CDX1: variants seen among roughly 807,000 people sequenced by gnomAD.
CDX1 encodes the protein caudal type homeobox 1, also known as homeobox protein CDX-1.
Under a neutral mutation model 16.9 loss-of-function variants are expected in CDX1, and 9 were observed. The observed-to-expected ratio is 0.53, with a 90% CI of 0.32 to 0.93. The LOEUF (loss-of-function observed/expected upper bound fraction) is 0.93. Ranked by LOEUF, CDX1 falls within the 40% of genes least tolerant of loss-of-function variation. The pLI is 0.04. For synonymous variants in CDX1, 179 were observed against 179.0 expected, an observed-to-expected ratio of 1.00 and a Z score of 0.00; for missense variants, 393 against 386.1, an observed-to-expected ratio of 1.02 and a Z score of -0.15.
rs1277949259 is a variant in CDX1 at position 150,167,063 on chromosome 5, G to C, written c.187G>C (p.Ala63Pro). 4.2e-6 allele frequency: 6 copies of C among 1,423,652 alleles called. No homozygotes were observed. Among genetic ancestry groups the C allele is most frequent in the African/African-American group, 1.5e-5 (1 of 66,648 alleles). 88.2% of individuals were successfully genotyped at this position (1,423,652 alleles called of 1,614,324 possible). The change falls in exon 1 of 3, where the codon GCG (alanine) becomes CCG (proline). Residue 63 changes from alanine (A) to proline (P), a missense_variant. By Grantham distance (27) the Ala-to-Pro change is conservative. Coordinates refer to ENST00000231656, the MANE Select transcript of CDX1 (RefSeq NM_001804.3). ...CCCCGCGCCCCCGACGGCCTGGGGG[G>C]CGCCCTTCCCTGCGCCCAAGGACGA... ...PAPAPPTAWG[A>P]PFPAPKDDWA...
In CDX1 at chr5:150,170,727, T is replaced by A. The variant is rs140428243; in HGVS notation, c.445+3406T>A. On this transcript the variant is annotated intron_variant, in intron 1 of 2. Coordinates refer to ENST00000231656, the MANE Select transcript of CDX1 (RefSeq NM_001804.3). ...TCAGTTTCTTCTAAGGAGGGGGCAG[T>A]GACAATGGGAAAGATGAGAGAGAGG... is the stretch of plus-strand genomic sequence containing the variant. Among the ~76,000 whole-genome samples the A allele has an allele frequency of 7.6e-3, 1,153 of 152,148 alleles. 12 individuals carry two copies. The highest frequency in any genetic ancestry group is 0.026 in the African/African-American group (1,087 of 41,496).
chr5:150,182,773 A>G lies in CDX1; in HGVS notation c.451A>G (p.Thr151Ala). The G allele has an allele frequency of 6.3e-7, 1 of 1,580,162 alleles. No homozygotes were observed. The highest frequency in any genetic ancestry group is 2.4e-5 in the East Asian group (1 of 42,344). ...AAGGGGGSGK[T>A]RTKDKYRVVY... is the part of the protein sequence containing the mutation. ...CGGCTCCTTCTGCTTCTCAGGTAAG[A>G]CTCGGACCAAGGACAAGTACCGCGT... The change falls in exon 2 of 3, where the codon ACT becomes GCT. Residue 151 changes from threonine to alanine, a missense_variant. Transcript: ENST00000231656.
intron 1 of CDX1, among the ~76,000 whole-genome samples, chr5:150,177,383 A>G (rs796212186): frequency 2.0e-4 from 31 of 152,302 alleles, no homozygotes; most frequent in African/African-American, 7.0e-4. Flanking sequence ...TGGTCATCCC[A>G]CAACTGTTGG....
rs767180718 is a variant in CDX1, at chr5:150,166,945, C to T, written c.69C>T (p.Leu23=). The change falls in exon 1 of 3, where the codon CTC becomes CTT. Residue 23 remains leucine, a synonymous_variant. Coordinates refer to ENST00000231656, the MANE Select transcript of CDX1 (RefSeq NM_001804.3). ...CCGGCCCAGCCAGGCCAGCCAGCCTCGGCCTGGGCCCGCAAGCCTACGGCC... is the reference window on the plus strand; with the variant it reads ...CCGGCCCAGCCAGGCCAGCCAGCCTTGGCCTGGGCCCGCAAGCCTACGGCC... ...VYPGPARPAS[L]GLGPQAYGPP... is the part of the protein sequence containing the mutation. 4.0e-6 allele frequency: 6 copies of T among 1,499,420 alleles called. No individual in the cohort carries two copies. The highest frequency in any genetic ancestry group is 2.6e-5 in the South Asian group (2 of 77,912). The allele number at this position is 1,499,420 out of a possible 1,614,324, so 92.9% of individuals were successfully genotyped here. A position where few individuals can be genotyped will look rare whatever the true frequency, so the allele number is the denominator to read the frequency against.
chr5:150,179,965 G>A (rs968595564), intron 1 of CDX1, among the ~76,000 whole-genome samples: 23 of 152,366 alleles, frequency 1.5e-4, no homozygotes, highest in African/African-American at 3.1e-4. Context: ...GGGCAGGCCC[G>A]TGCCTGCCTG....
At chr5:150,179,708 TG>T (rs1324007974) in intron 1 of CDX1, among the ~76,000 whole-genome samples, 11 of 152,206 alleles carry the variant, frequency 7.2e-5, no homozygotes, top group Non-Finnish European at 1.3e-4. Context: ...CCTGTCCTCC[TG>T]GGGGTGGCTG....
rs534077234 is a variant in CDX1 at position 150,183,386 on chromosome 5, G to C, written c.592-88G>C. 1,696 of 1,179,174 alleles carry C rather than the reference G, an allele frequency of 1.4e-3. 3 individuals are homozygous for C. Among genetic ancestry groups the C allele is most frequent in the Non-Finnish European group, 1.8e-3 (1,565 of 854,462 alleles). The allele number at this position is 1,179,174 out of a possible 1,614,324, so 73.0% of individuals were successfully genotyped here. ...GCCACAAAGCCACATGGAGAAATAG[G>C]GGCTCACTGTCCTCGTCTCTCCTTC... On this transcript the variant is annotated intron_variant, in intron 2 of 2. Coordinates refer to ENST00000231656, the MANE Select transcript of CDX1 (RefSeq NM_001804.3).
At chr5:150,179,564 T>C (rs1228382133) in intron 1 of CDX1, among the ~76,000 whole-genome samples, 2 of 152,132 alleles carry the variant, frequency 1.3e-5, no homozygotes, top group Non-Finnish European at 2.9e-5. Flanking sequence ...ATGGCTCTCA[T>C]GGGTCTGGGC....
chr5:150,177,172 T>TC (rs1025592388), intron 1 of CDX1, among the ~76,000 whole-genome samples: 1 of 152,174 alleles, frequency 6.6e-6, no homozygotes, highest in African/African-American at 2.4e-5. Flanking sequence ...GTCCCCATCC[T>TC]CCCCCCGGGC....
At position 150,167,102 on chromosome 5, in the gene CDX1, T is replaced by C. The variant is rs1398639628; in HGVS notation, c.226T>C (p.Tyr76His). 5 of 1,361,956 alleles carry C rather than the reference T, an allele frequency of 3.7e-6. No individual in the cohort carries two copies. The highest frequency in any genetic ancestry group is 4.7e-6 in the Non-Finnish European group (5 of 1,065,186). 84.4% of individuals were successfully genotyped at this position (1,361,956 alleles called of 1,614,324 possible). A position where few individuals can be genotyped will look rare whatever the true frequency, so the allele number is the denominator to read the frequency against. Residue 76 changes from tyrosine to histidine, a missense_variant, in exon 1 of 3, where the codon TAC (tyrosine) becomes CAC (histidine). Physicochemically the swap from Tyr to His is moderately conservative, Grantham distance 83. Coordinates refer to ENST00000231656, the MANE Select transcript of CDX1 (RefSeq NM_001804.3). ...PAPKDDWAAA[Y>H]GPGPAAPAAS... ...GCCCAAGGACGACTGGGCCGCCGCCTACGGCCCGGGCCCCGCGGCCCCTGC... is the reference window on the plus strand; with the variant it reads ...GCCCAAGGACGACTGGGCCGCCGCCCACGGCCCGGGCCCCGCGGCCCCTGC...
At chr5:150,178,818 T>C (rs1468704037) in intron 1 of CDX1, among the ~76,000 whole-genome samples, 1 of 152,198 alleles carries the variant, frequency 6.6e-6, no homozygotes, top group Non-Finnish European at 1.5e-5. Flanking sequence ...TATACACAAA[T>C]GGTAACATAC....
At position 150,183,561 on chromosome 5, in the gene CDX1, A is replaced by G. The variant is rs1324384908; in HGVS notation, c.679A>G (p.Met227Val). The G allele has an allele frequency of 6.2e-7, 1 of 1,612,468 alleles. No homozygotes were observed. Among genetic ancestry groups the G allele is most frequent in the South Asian group, 1.1e-5 (1 of 90,978 alleles). Residue 227 changes from methionine (M) to valine (V), a missense_variant, in exon 3 of 3, where the codon ATG becomes GTG. Coordinates refer to ENST00000231656, the MANE Select transcript of CDX1 (RefSeq NM_001804.3). ...QQQQQPPQPP[M>V]AHDITATPAG... Reference sequence around the variant, plus strand: ...GCAGCAACAGCCCCCACAGCCGCCGATGGCCCACGACATCACGGCCACCCC... The same window carrying G: ...GCAGCAACAGCCCCCACAGCCGCCGGTGGCCCACGACATCACGGCCACCCC...
In CDX1 at chr5:150,167,679, T is replaced by G. The variant is rs117005583; in HGVS notation, c.445+358T>G. On this transcript the variant is annotated intron_variant, in intron 1 of 2. Coordinates refer to ENST00000231656, the MANE Select transcript of CDX1 (RefSeq NM_001804.3). The stretch of plus-strand genomic sequence containing the variant: ...GACTCCGTGCTCTTCATCTGCTTCT[T>G]CCACTCCTAACCCAGCCCTAGGCAA... Among the ~76,000 whole-genome samples the G allele has an allele frequency of 8.6e-3, 1,312 of 152,380 alleles. 46 individuals carry two copies. Among genetic ancestry groups the G allele is most frequent in the Admixed American group, 0.066 (1,017 of 15,310 alleles).
chr5:150,170,510 C>G (rs1562052493), intron 1 of CDX1, among the ~76,000 whole-genome samples: 1 of 152,206 alleles, frequency 6.6e-6, no homozygotes, highest in African/African-American at 2.4e-5. Context: ...AAAGGCATCT[C>G]TGGGGAACAG....
At position 150,170,510 on chromosome 5, in the gene CDX1, CTG is replaced by C. The variant is rs149603556; in HGVS notation, c.445+3190_445+3191del. ...CAAGTGTGAGGGACAAAAGGCATCT[CTG>C]GGGAACAGGGGAGTGGGTGAGATCT... On this transcript the variant is annotated intron_variant, in intron 1 of 2. Transcript: ENST00000231656. Among the ~76,000 whole-genome samples, 863 of 152,324 alleles carry C rather than the reference CTG, an allele frequency of 5.7e-3. 7 individuals carry two copies. The highest frequency in any genetic ancestry group is 0.02 in the African/African-American group (826 of 41,562).
chr5:150,167,414 C>A, intron 1 of CDX1, 93 bp downstream of exon 1: 1 of 916,258 alleles, frequency 1.1e-6, no homozygotes, highest in Non-Finnish European at 1.4e-6. Context: ...TCCGGCCCTG[C>A]TCGGGTTCCC....
At chr5:150,170,775 C>T (rs937690496) in intron 1 of CDX1, among the ~76,000 whole-genome samples, 10 of 152,104 alleles carry the variant, frequency 6.6e-5, no homozygotes, top group Non-Finnish European at 1.3e-4. Flanking sequence ...AATCAGTCTC[C>T]GATTCCAAAA....
At chr5:150,182,102 C>A (rs1001598479) in intron 1 of CDX1, among the ~76,000 whole-genome samples, 6 of 152,310 alleles carry the variant, frequency 3.9e-5, no homozygotes, top group Admixed American at 3.9e-4. Flanking sequence ...AACTAGGGAG[C>A]CCACACCTGG....
intron 1 of CDX1, among the ~76,000 whole-genome samples, chr5:150,174,925 C>T (rs886373398): frequency 9.2e-5 from 14 of 152,068 alleles, no homozygotes; most frequent in African/African-American, 3.1e-4. Context: ...TACAGGCACA[C>T]GCCACCACGC....
Sources: allele counts gnomAD v4.1 joint callset (sites outside exome capture counted in the v4.1 genomes callset), GRCh38; gene constraint gnomAD v4.1.1; transcripts MANE v1.5; gene names NCBI Gene and HGNC (gene_info 2026-07-23, HGNC 2026-07-21).